TAF6L: variants seen among roughly 807,000 people sequenced by gnomAD.
TAF6L encodes TAF6-like RNA polymerase II p300/CBP-associated factor-associated factor 65 kDa subunit 6L.
TAF6L carries 34 observed loss-of-function variants against 57.3 expected under a neutral mutation model. The observed-to-expected ratio is 0.59, with a 90% CI of 0.45 to 0.79. The LOEUF (loss-of-function observed/expected upper bound fraction) is 0.79, where lower values mean the gene tolerates loss of function less well. TAF6L is among the 30% of genes least tolerant of loss of function. The pLI, the probability that TAF6L is intolerant of heterozygous loss-of-function variation, is 0.00. For synonymous variants in TAF6L, 417 were observed against 376.3 expected (o/e 1.11, Z -1.25); for missense variants, 782 against 853.2 (o/e 0.92, Z 1.04).
At chr11:62,773,353 G>T (rs2084163503) in intron 1 of TAF6L, among the ~76,000 whole-genome samples, 1 of 151,106 alleles carries the variant, frequency 6.6e-6, no homozygotes, top group South Asian at 2.1e-4. Flanking sequence ...TCACCATATT[G>T]TCCAGGCTGG....
chr11:62,782,226 C>T lies in TAF6L; in HGVS notation c.720C>T (p.Gly240=). The T allele has an allele frequency of 1.2e-6, 2 of 1,614,218 alleles. No individual in the cohort carries two copies. Among genetic ancestry groups the T allele is most frequent in the Non-Finnish European group, 1.7e-6 (2 of 1,180,040 alleles). ...GGCCCTATGTCCGCTGTCTGGTGGG[C>T]AGTGTCCTCTACTGTGTCCTGGAGC... The part of the protein sequence containing the change: ...CLGPYVRCLV[G]SVLYCVLEPL... Residue 240 remains glycine (G), a synonymous_variant, in exon 8 of 11, where the codon GGC becomes GGT. Coordinates refer to ENST00000294168, the MANE Select transcript of TAF6L (RefSeq NM_006473.4).
intron 9 of TAF6L, among the ~76,000 whole-genome samples, chr11:62,784,136 C>T (rs531535969): frequency 4.1e-5 from 6 of 145,102 alleles, no homozygotes; most frequent in African/African-American, 7.6e-5. Flanking sequence ...CTTACAGGCA[C>T]GCACCACCAG....
At position 62,786,275 on chromosome 11, in the gene TAF6L, C is replaced by T. The variant is rs775781375; in HGVS notation, c.976C>T (p.Leu326=). 1 of 1,613,758 alleles carries T rather than the reference C, an allele frequency of 6.2e-7. No individual in the cohort carries two copies. Among genetic ancestry groups the T allele is most frequent in the South Asian group, 1.1e-5 (1 of 91,072 alleles). ...TTCCTTCCAGGCAGTAGAACGAGTC[C>T]TGTACCCACACCTGTCCACCTACTG... The part of the protein sequence containing the change: ...ALGWKAVERV[L]YPHLSTYWTN... Residue 326 remains leucine, a synonymous_variant, in exon 10 of 11, where the codon CTG becomes TTG. Coordinates refer to ENST00000294168, the MANE Select transcript of TAF6L (RefSeq NM_006473.4).
intron 8 of TAF6L, 142 bp downstream of exon 8, chr11:62,782,475 C>T: frequency 9.7e-7 from 1 of 1,034,518 alleles, no homozygotes; most frequent in Non-Finnish European, 1.4e-6. Context: ...AGCTGGTGTG[C>T]TGTGACACAC....
At chr11:62,782,552 A>C (rs1298558753) in intron 8 of TAF6L, 141 bp from the exon 9 acceptor site, 2 of 1,288,072 alleles carry the variant, frequency 1.6e-6, no homozygotes, top group Non-Finnish European at 2.1e-6. Context: ...GTCCTAGGCC[A>C]GTCACCCCTG....
At position 62,782,201 on chromosome 11, in the gene TAF6L, G is replaced by C; in HGVS notation, c.695G>C (p.Gly232Ala). The change falls in exon 8 of 11, where the codon GGG (glycine) becomes GCG (alanine). Residue 232 changes from glycine (G) to alanine (A), a missense_variant. Transcript: ENST00000294168. ...TTTCGTAATCCGCACCTGTGCTTGGGGCCCTATGTCCGCTGTCTGGTGGGC... is the reference window on the plus strand; with the variant it reads ...TTTCGTAATCCGCACCTGTGCTTGGCGCCCTATGTCCGCTGTCTGGTGGGC... ...SLFRNPHLCL[G>A]PYVRCLVGSV... 2.5e-6 allele frequency: 4 copies of C among 1,614,166 alleles called. No homozygotes were observed. The South Asian group carries it at 3.3e-5, about 13-fold the overall frequency.
chr11:62,778,840 G>C (rs1379494872), intron 5 of TAF6L, 29 bp from the exon 6 acceptor site: 10 of 1,602,790 alleles, frequency 6.2e-6, no homozygotes, highest in Non-Finnish European at 8.5e-6. Context: ...CTCTCCACCT[G>C]TCCCTGCTTC....
intron 2 of TAF6L, among the ~76,000 whole-genome samples, chr11:62,776,162 C>T (rs1033080618): frequency 3.3e-5 from 5 of 152,108 alleles, no homozygotes; most frequent in East Asian, 1.9e-4. Context: ...GCAGGCAGAG[C>T]GGGTAGATAC....
intron 6 of TAF6L, 73 bp from the exon 7 acceptor site, chr11:62,781,821 T>C (rs2084231851): frequency 1.6e-6 from 2 of 1,265,426 alleles, no homozygotes; most frequent in South Asian, 2.4e-5. Context: ...ATACACTGTC[T>C]TCCAGAAGAA....
chr11:62,773,683 G>A lies in TAF6L; in HGVS notation c.-13-2088G>A, dbSNP rs191654396. On this transcript the variant is annotated intron_variant, in intron 1 of 10. Coordinates refer to ENST00000294168, the MANE Select transcript of TAF6L (RefSeq NM_006473.4). ...GGCTGGTCTTGAACTCCTGACCTCA[G>A]GTGATTCGCCCGCCTTGGCCTCCGA... Among the ~76,000 whole-genome samples, 7 of 151,874 alleles carry A rather than the reference G, an allele frequency of 4.6e-5. No homozygotes were observed. The East Asian group carries it at 1.4e-3, about 29-fold the overall frequency.
At chr11:62,777,351 T>G (rs1477114222) in intron 3 of TAF6L, among the ~76,000 whole-genome samples, 4 of 151,936 alleles carry the variant, frequency 2.6e-5, no homozygotes, top group African/African-American at 7.3e-5. Flanking sequence ...AAAAAAAGAC[T>G]AAACGCACAC....
chr11:62,776,492 G>A, intron 3 of TAF6L, 22 bp downstream of exon 3: 1 of 1,611,720 alleles, frequency 6.2e-7, no homozygotes, highest in Non-Finnish European at 8.5e-7. Flanking sequence ...GCAGGCTACA[G>A]AGGGCTCAGG....
Position 62,775,913 on chromosome 11 carries a change from CT to C in TAF6L, c.131del (p.Leu44ArgfsTer12), listed in dbSNP as rs755930902. 1.9e-6 allele frequency: 3 copies of C among 1,611,756 alleles called. No individual in the cohort carries two copies. The South Asian group carries it at 3.3e-5, about 18-fold the overall frequency. On this transcript the variant is annotated frameshift_variant, in exon 2 of 11. Transcript: ENST00000294168. LOFTEE classifies it high-confidence loss of function. ...GCTCGCAGAGGACGTGTGCTATCGT[CT>C]GAGAGAGGCCACGCAGGTACACTCC... ...ALLAEDVCYRLREATQNSSQF... is the reference protein window; with the variant it reads ...ALLAEDVCYRXREATQNSSQF...
chr11:62,786,546 G>T lies in TAF6L; in HGVS notation c.1119G>T (p.Lys373Asn). ...CGGTAGAGCGACTGCTGAAGATGAA[G>T]GCCCAGGCAGCAGAGCCCAACAGGG... ...LVAVERLLKM[K>N]AQAAEPNRGG... is the part of the protein sequence containing the mutation. The change falls in exon 11 of 11, where the codon AAG becomes AAT. Residue 373 changes from lysine to asparagine, a missense_variant. Around this residue, in one of 3 missense-constraint regions of TAF6L, gnomAD observed 483 missense variants for 445.1 expected, o/e 1.09. Coordinates refer to ENST00000294168, the MANE Select transcript of TAF6L (RefSeq NM_006473.4). The T allele has an allele frequency of 3.2e-6, 5 of 1,553,410 alleles. No individual in the cohort carries two copies. Among genetic ancestry groups the T allele is most frequent in the South Asian group, 1.2e-5 (1 of 81,478 alleles).
chr11:62,781,810 G>A, intron 6 of TAF6L, 84 bp from the exon 7 acceptor site: 1 of 1,125,202 alleles, frequency 8.9e-7, no homozygotes, highest in Non-Finnish European at 1.4e-6. Flanking sequence ...TGAATAAGGT[G>A]ATACACTGTC....
chr11:62,780,747 T>C (rs1172477828), intron 6 of TAF6L, among the ~76,000 whole-genome samples: 2 of 150,214 alleles, frequency 1.3e-5, no homozygotes, highest in Non-Finnish European at 3.0e-5. Context: ...CTGGCCAACA[T>C]GGTGATTTCC....
intron 5 of TAF6L, 176 bp downstream of exon 5, chr11:62,778,511 G>T: frequency 1.4e-6 from 1 of 713,014 alleles, no homozygotes. Flanking sequence ...GGAGATGGGG[G>T]CCCAGACCTG....
chr11:62,774,644 C>T (rs1027407812), intron 1 of TAF6L: 2 of 455,100 alleles, frequency 4.4e-6, no homozygotes, highest in Admixed American at 2.3e-5. Context: ...CTGTTTTTGT[C>T]GGTTTCTTAT....
chr11:62,778,922 G>T lies in TAF6L; in HGVS notation c.490G>T (p.Val164Leu), dbSNP rs372721055. ...TDDLLKYYHQ[V>L]TRAVLGDDPQ... The stretch of plus-strand genomic sequence containing the variant: ...TGACCTTCTCAAGTACTATCACCAG[G>T]TGACTCGTGCTGTGCTAGGGGATGA... Residue 164 changes from valine to leucine, a missense_variant, in exon 6 of 11, where the codon GTG (valine) becomes TTG (leucine). Physicochemically the swap from Val to Leu is conservative, Grantham distance 32 (BLOSUM62 1). This residue lies in a region of TAF6L where 220 missense variants were observed against 252.1 expected (regional missense o/e 0.87). Transcript: ENST00000294168. 2 of 1,614,150 alleles carry T rather than the reference G, an allele frequency of 1.2e-6. No homozygotes were observed.
Sources: allele counts gnomAD v4.1 joint callset (sites outside exome capture counted in the v4.1 genomes callset), GRCh38; gene constraint gnomAD v4.1.1; regional missense constraint gnomAD v4.1.1; transcripts MANE v1.5; gene names NCBI Gene and HGNC (gene_info 2026-07-23, HGNC 2026-07-21).